The following UNC5C variants were observed in gnomAD, a reference collection of about 807,000 sequenced individuals.
UNC5C encodes unc-5 netrin receptor C.
In UNC5C, 47 loss-of-function variants were observed where a neutral mutation model predicts 99.8. The observed-to-expected ratio is 0.47, with a 90% CI of 0.37 to 0.60. The LOEUF (loss-of-function observed/expected upper bound fraction) is 0.60, where lower values mean the gene tolerates loss of function less well. Among genes scored for constraint, UNC5C ranks in the 20% least tolerant of loss-of-function variants. The pLI is 0.00. For synonymous variants in UNC5C, 487 were observed against 452.2 expected (o/e 1.08, Z -0.98); for missense variants, 1,062 against 1,165.9 (o/e 0.91, Z 1.30).
At chr4:95,418,650 C>T (rs568801279) in intron 1 of UNC5C, among the ~76,000 whole-genome samples, 1 of 152,260 alleles carries the variant, frequency 6.6e-6, no homozygotes, top group South Asian at 2.1e-4. Flanking sequence ...GCCTCTCTGA[C>T]TCCTGACCAT....
chr4:95,357,788 C>T (rs1744260213), intron 1 of UNC5C, among the ~76,000 whole-genome samples: 2 of 151,826 alleles, frequency 1.3e-5, no homozygotes, highest in African/African-American at 4.8e-5. Flanking sequence ...AGGGCCCTGT[C>T]TCAAAACAAA....
chr4:95,258,509 T>C (rs1740090350), intron 4 of UNC5C, among the ~76,000 whole-genome samples: 1 of 152,194 alleles, frequency 6.6e-6, no homozygotes, highest in Non-Finnish European at 1.5e-5. Context: ...CTTGTTGTCA[T>C]GGTTGCAATG....
chr4:95,496,424 G>T (rs962937688), intron 1 of UNC5C, among the ~76,000 whole-genome samples: 4 of 151,740 alleles, frequency 2.6e-5, no homozygotes, highest in Non-Finnish European at 5.9e-5. Context: ...TAAATATATA[G>T]AAGGGAAAAC....
At chr4:95,194,626 C>G (rs1737302218) in intron 12 of UNC5C, among the ~76,000 whole-genome samples, 1 of 152,160 alleles carries the variant, frequency 6.6e-6, no homozygotes, top group South Asian at 2.1e-4. Context: ...TTTCTGCAGT[C>G]ATATCCCTTT....
intron 2 of UNC5C, among the ~76,000 whole-genome samples, chr4:95,309,942 C>T (rs1742219294): frequency 6.6e-6 from 1 of 152,046 alleles, no homozygotes; most frequent in South Asian, 2.1e-4. Context: ...GGTGTATACC[C>T]AAAGTAAATG....
Position 95,206,630 on chromosome 4 carries a change from C to T in UNC5C, c.1900G>A (p.Glu634Lys). ...TCTTTATCCCGACAGCAGCTCACCTCCCACTGTCCCTGTGCTGCCTGGTTC... is the reference window on the plus strand; with the variant it reads ...TCTTTATCCCGACAGCAGCTCACCTTCCACTGTCCCTGTGCTGCCTGGTTC... Reference protein sequence around the residue: ...LKNQAAQGQWEDVVVVGEENF... With the variant: ...LKNQAAQGQWKDVVVVGEENF... The change falls in exon 11 of 16, where the codon GAG becomes AAG. Residue 634 changes from glutamate to lysine, a missense_variant and splice_region_variant. Glu to Lys is a moderately conservative substitution (Grantham distance 56, BLOSUM62 1). This residue lies in a region of UNC5C where 810 missense variants were observed against 854.5 expected (regional missense o/e 0.95). Transcript: ENST00000453304. 6.2e-7 allele frequency: 1 copy of T among 1,614,172 alleles called. No homozygotes were observed. Among genetic ancestry groups the T allele is most frequent in the African/African-American group, 1.3e-5 (1 of 75,034 alleles).
intron 12 of UNC5C, among the ~76,000 whole-genome samples, chr4:95,192,096 C>G (rs1269402635): frequency 7.2e-6 from 1 of 138,548 alleles, no homozygotes; most frequent in Non-Finnish European, 1.6e-5. Flanking sequence ...CACCTTCCTC[C>G]CCTGCTCACT....
intron 3 of UNC5C, among the ~76,000 whole-genome samples, chr4:95,299,783 C>A (rs2149403293): frequency 6.6e-6 from 1 of 152,262 alleles, no homozygotes; most frequent in South Asian, 2.1e-4. Flanking sequence ...GAAAATCCAC[C>A]CCCATGATTC....
rs1015213386 is a variant in UNC5C, at chr4:95,365,009, T to C, written c.125-29378A>G. 1.7e-4 allele frequency among the ~76,000 whole-genome samples: 25 copies of C among 151,494 alleles called. No homozygotes were observed. The East Asian group carries it at 4.8e-3, about 29-fold the overall frequency. On this transcript the variant is annotated intron_variant, in intron 1 of 15. Transcript: ENST00000453304. ...TTTATTTACATGTAAAAAATAAATA[T>C]TTAGGTCGGGTGCAGTGGCTCACAC... is the stretch of plus-strand genomic sequence containing the variant.
chr4:95,293,487 T>C (rs1161573422), intron 3 of UNC5C, among the ~76,000 whole-genome samples: 1 of 151,680 alleles, frequency 6.6e-6, no homozygotes, highest in Non-Finnish European at 1.5e-5. Context: ...TTGGTTAATT[T>C]TTTTTGGCTT....
intron 4 of UNC5C, among the ~76,000 whole-genome samples, chr4:95,262,678 G>A (rs534408965): frequency 6.4e-4 from 98 of 152,036 alleles, no homozygotes; most frequent in Non-Finnish European, 1.0e-3. Context: ...AAGTTTATAC[G>A]CAAATTTTTA....
At chr4:95,324,007 G>T (rs1413759738) in intron 2 of UNC5C, among the ~76,000 whole-genome samples, 1 of 152,112 alleles carries the variant, frequency 6.6e-6, no homozygotes, top group Non-Finnish European at 1.5e-5. Flanking sequence ...CTGCACTCCA[G>T]CCTGGGCAAC....
At chr4:95,396,431 ATTTAAT>A (rs1332762013) in intron 1 of UNC5C, among the ~76,000 whole-genome samples, 1 of 152,158 alleles carries the variant, frequency 6.6e-6, no homozygotes, top group African/African-American at 2.4e-5. Context: ...TGTAATGAGT[ATTTAAT>A]TTTATCTAAA....
intron 4 of UNC5C, among the ~76,000 whole-genome samples, chr4:95,270,704 A>G (rs1421241941): frequency 6.6e-6 from 1 of 152,226 alleles, no homozygotes; most frequent in East Asian, 1.9e-4. Flanking sequence ...AACTAATACC[A>G]ACAACAACCA....
chr4:95,290,887 A>C (rs72891935), intron 3 of UNC5C, among the ~76,000 whole-genome samples: 3,197 of 152,254 alleles, frequency 0.021, 121 homozygotes, highest in African/African-American at 0.073. Context: ...AATGATCTGC[A>C]GCAAGTCAGC....
At position 95,301,708 on chromosome 4, in the gene UNC5C, G is replaced by T. The variant is rs774320530; in HGVS notation, c.388C>A (p.Gln130Lys). ...REVSIEISRQ[Q>K]VEELFGPEDY... ...TCAGGTCCAAAGAGTTCTTCCACTT[G>T]CTGGCGCGAAATCTCAATGCTCACT... The change falls in exon 3 of 16, where the codon CAA becomes AAA. Residue 130 changes from glutamine (Q) to lysine (K), a missense_variant. Physicochemically the swap from Gln to Lys is moderately conservative, Grantham distance 53. Transcript: ENST00000453304. 4 of 1,613,228 alleles carry T rather than the reference G, an allele frequency of 2.5e-6. No homozygotes were observed. The Admixed American group carries it at 6.7e-5, about 27-fold the overall frequency.
intron 1 of UNC5C, among the ~76,000 whole-genome samples, chr4:95,528,418 AC>A (rs1212428365): frequency 6.6e-6 from 1 of 152,148 alleles, no homozygotes; most frequent in Non-Finnish European, 1.5e-5. Context: ...TAACGTTGCC[AC>A]CATTTACCTT....
chr4:95,368,470 A>G (rs531489298), intron 1 of UNC5C, among the ~76,000 whole-genome samples: 2 of 152,250 alleles, frequency 1.3e-5, no homozygotes, highest in Non-Finnish European at 2.9e-5. Context: ...ATTATTTCAA[A>G]GAGCAATAAA....
intron 4 of UNC5C, among the ~76,000 whole-genome samples, chr4:95,257,557 T>C (rs1740050645): frequency 6.6e-6 from 1 of 152,194 alleles, no homozygotes; most frequent in African/African-American, 2.4e-5. Context: ...TCATCTTCCA[T>C]TTCTGGCTTA....
Sources: gnomAD v4.1 joint callset for allele counts (sites outside exome capture counted in the v4.1 genomes callset) on GRCh38, gnomAD v4.1.1 for gene constraint, gnomAD v4.1.1 regional missense constraint, MANE v1.5 for transcripts, NCBI Gene and HGNC (gene_info 2026-07-23, HGNC 2026-07-21) for gene names.